Variants in ARSJ observed in about 807,000 individuals in gnomAD.
ARSJ encodes the protein arylsulfatase J.
In ARSJ, 26 loss-of-function variants were observed where a neutral mutation model predicts 35.9. The ratio of observed to expected loss-of-function variants is 0.72; its 90% confidence interval spans 0.53 to 1.00. The LOEUF is 1.00. Among genes scored for constraint, ARSJ ranks in the 50% least tolerant of loss-of-function variants. The probability of loss-of-function intolerance (pLI) is 0.00; values close to 1 mark genes in which losing one functional copy is unlikely to be tolerated. For synonymous variants in ARSJ, 294 were observed against 267.6 expected (o/e 1.10, Z -0.96); for missense variants, 667 against 723.6 (o/e 0.92, Z 0.90).
chr4:113,957,814 A>G (rs1351940483), intron 1 of ARSJ, among the ~76,000 whole-genome samples: 4 of 152,114 alleles, frequency 2.6e-5, no homozygotes, highest in African/African-American at 9.7e-5. Context: ...ACATCTCTTA[A>G]TTGTTATGAT....
intron 1 of ARSJ, among the ~76,000 whole-genome samples, chr4:113,908,978 AAGAGATTGTTT>A (rs754190085): frequency 1.4e-4 from 22 of 152,062 alleles, no homozygotes; most frequent in Non-Finnish European, 2.5e-4. Context: ...AATTGTTTAG[AAGAGATTGTTT>A]AGAGATTGTT....
intron 1 of ARSJ, among the ~76,000 whole-genome samples, chr4:113,907,419 C>G (rs575678431): frequency 6.6e-6 from 1 of 152,086 alleles, no homozygotes; most frequent in Non-Finnish European, 1.5e-5. Flanking sequence ...GAAAGGGCTG[C>G]CTATTATTCT....
intron 1 of ARSJ, among the ~76,000 whole-genome samples, chr4:113,957,081 G>C (rs528733036): frequency 3.3e-5 from 5 of 152,110 alleles, no homozygotes; most frequent in African/African-American, 1.2e-4. Flanking sequence ...TTTTACTTTA[G>C]AATAATCAAT....
intron 1 of ARSJ, among the ~76,000 whole-genome samples, chr4:113,915,701 G>T (rs1382389916): frequency 6.6e-6 from 1 of 152,108 alleles, no homozygotes; most frequent in African/African-American, 2.4e-5. Context: ...ATACCTCCAG[G>T]ATGAAATTCT....
intron 1 of ARSJ, among the ~76,000 whole-genome samples, chr4:113,941,366 CA>C (rs2149269801): frequency 6.6e-6 from 1 of 152,028 alleles, no homozygotes; most frequent in African/African-American, 2.4e-5. Context: ...CGTTTTGATT[CA>C]GAAAATGTTT....
intron 1 of ARSJ, among the ~76,000 whole-genome samples, chr4:113,966,667 G>A (rs1726911566): frequency 6.6e-6 from 1 of 152,174 alleles, no homozygotes; most frequent in African/African-American, 2.4e-5. Context: ...CATAATATAG[G>A]AAGGTAAAAA....
At chr4:113,933,635 T>C (rs1724594491) in intron 1 of ARSJ, among the ~76,000 whole-genome samples, 1 of 151,806 alleles carries the variant, frequency 6.6e-6, no homozygotes, top group East Asian at 1.9e-4. Context: ...AAAAAACCCA[T>C]ATGACAATTT....
intron 1 of ARSJ, among the ~76,000 whole-genome samples, chr4:113,931,742 T>C (rs995043106): frequency 6.6e-6 from 1 of 151,774 alleles, no homozygotes; most frequent in Non-Finnish European, 1.5e-5. Context: ...AAATAATAGA[T>C]ATAAAAAATA....
chr4:113,965,228 C>A (rs1726817803), intron 1 of ARSJ, among the ~76,000 whole-genome samples: 1 of 152,130 alleles, frequency 6.6e-6, no homozygotes, highest in Admixed American at 6.6e-5. Context: ...CTTCTTCCAA[C>A]TTCCCAAAAC....
chr4:113,913,084 G>T (rs1723042732), intron 1 of ARSJ, among the ~76,000 whole-genome samples: 1 of 121,334 alleles, frequency 8.2e-6, no homozygotes, highest in Non-Finnish European at 1.8e-5. Flanking sequence ...GACAAAAGGG[G>T]ATGGAATCAG....
rs186184394 is a variant in ARSJ, at chr4:113,933,906, G to T, written c.399-30231C>A. Reference sequence around the variant, plus strand: ...TCCTGGCCAGAGCAATTAGGCAAGAGAAAGAAAGAAAAGCGATCCAAATTG... The same window carrying T: ...TCCTGGCCAGAGCAATTAGGCAAGATAAAGAAAGAAAAGCGATCCAAATTG... On this transcript the variant is annotated intron_variant, in intron 1 of 1. Coordinates refer to ENST00000315366, the MANE Select transcript of ARSJ (RefSeq NM_024590.4). Among the ~76,000 whole-genome samples, 24 of 151,834 alleles carry T rather than the reference G, an allele frequency of 1.6e-4. 1 individual carries two copies. In the East Asian group the frequency reaches 4.7e-3, roughly 29 times the overall value.
chr4:113,905,135 A>C (rs1234824374), intron 1 of ARSJ, among the ~76,000 whole-genome samples: 1 of 152,218 alleles, frequency 6.6e-6, no homozygotes, highest in African/African-American at 2.4e-5. Flanking sequence ...CACTTGGGCC[A>C]TGATATACTA....
chr4:113,904,459 A>G (rs1435959435), intron 1 of ARSJ, among the ~76,000 whole-genome samples: 1 of 152,172 alleles, frequency 6.6e-6, no homozygotes, highest in Non-Finnish European at 1.5e-5. Context: ...AATTAGAGAA[A>G]AATCTCCTGT....
intron 1 of ARSJ, among the ~76,000 whole-genome samples, chr4:113,926,672 A>C (rs189464783): frequency 6.6e-6 from 1 of 152,184 alleles, no homozygotes; most frequent in East Asian, 1.9e-4. Context: ...CATACCACTT[A>C]CATTTGATGA....
intron 1 of ARSJ, among the ~76,000 whole-genome samples, chr4:113,960,310 C>G (rs933178097): frequency 2.0e-5 from 3 of 152,060 alleles, no homozygotes; most frequent in African/African-American, 7.2e-5. Context: ...GCTTTCCTCA[C>G]TACTGGGCTA....
intron 1 of ARSJ, among the ~76,000 whole-genome samples, chr4:113,968,420 A>G (rs1458188031): frequency 6.6e-6 from 1 of 152,188 alleles, no homozygotes; most frequent in Non-Finnish European, 1.5e-5. Context: ...AAAAGACGGT[A>G]GGAACAGAGC....
At chr4:113,971,162 A>C (rs1727222953) in intron 1 of ARSJ, among the ~76,000 whole-genome samples, 1 of 152,154 alleles carries the variant, frequency 6.6e-6, no homozygotes, top group Non-Finnish European at 1.5e-5. Context: ...AGTCTTACAA[A>C]AAAGATGAAA....
chr4:113,926,184 C>T (rs1326163091), intron 1 of ARSJ, among the ~76,000 whole-genome samples: 1 of 151,794 alleles, frequency 6.6e-6, no homozygotes, highest in Non-Finnish European at 1.5e-5. Flanking sequence ...CAAAGAAGTC[C>T]ATCCACATAC....
chr4:113,951,996 T>G (rs1170142001), intron 1 of ARSJ, among the ~76,000 whole-genome samples: 3 of 152,090 alleles, frequency 2.0e-5, no homozygotes, highest in Non-Finnish European at 2.9e-5. Flanking sequence ...CAAGGCTTGT[T>G]GAAACTGAGA....
Sources: allele counts gnomAD v4.1 joint callset (sites outside exome capture counted in the v4.1 genomes callset), GRCh38; gene constraint gnomAD v4.1.1; transcripts MANE v1.5; gene names NCBI Gene and HGNC (gene_info 2026-07-23, HGNC 2026-07-21).